The following RIMKLB variants were observed in gnomAD, a reference collection of about 807,000 sequenced individuals.
RIMKLB encodes the protein ribosomal modification protein rimK like family member B.
A neutral mutation model predicts 32.0 loss-of-function variants in RIMKLB; 7 were observed. The observed-to-expected ratio is 0.22, with a 90% CI of 0.12 to 0.41. The LOEUF (loss-of-function observed/expected upper bound fraction) is 0.41. Ranked by LOEUF, RIMKLB falls within the 10% of genes least tolerant of loss-of-function variation. The probability of loss-of-function intolerance (pLI) is 1.00; values close to 1 mark genes in which losing one functional copy is unlikely to be tolerated. For missense variants in RIMKLB, 289 were observed against 498.7 expected (o/e 0.58, Z 4.00); for synonymous variants, 172 against 185.1 (o/e 0.93, Z 0.57).
At chr12:8,685,720 C>CT (rs1272880262) in intron 1 of RIMKLB, among the ~76,000 whole-genome samples, 1 of 152,072 alleles carries the variant, frequency 6.6e-6, no homozygotes, top group East Asian at 1.9e-4. Flanking sequence ...TCTCGGCTCA[C>CT]TGCAACCTCC....
intron 1 of RIMKLB, among the ~76,000 whole-genome samples, chr12:8,710,614 C>G (rs973345866): frequency 2.0e-5 from 3 of 152,074 alleles, no homozygotes; most frequent in African/African-American, 7.2e-5. Context: ...CCTAGAAAAA[C>G]ATGTTGACTG....
chr12:8,683,991 A>AC (rs1265625047), intron 1 of RIMKLB, among the ~76,000 whole-genome samples: 1 of 151,008 alleles, frequency 6.6e-6, no homozygotes, highest in Non-Finnish European at 1.5e-5. Context: ...CAAGTGAACC[A>AC]CCCCCCTCGG....
At chr12:8,711,123 A>G (rs1944340793) in intron 1 of RIMKLB, among the ~76,000 whole-genome samples, 1 of 152,078 alleles carries the variant, frequency 6.6e-6, no homozygotes, top group Non-Finnish European at 1.5e-5. Flanking sequence ...AATCCCAGCT[A>G]CTCAGGAGGC....
chr12:8,698,856 T>C (rs73053878), intron 1 of RIMKLB, among the ~76,000 whole-genome samples: 34,441 of 152,064 alleles, frequency 0.23, 4,149 homozygotes, highest in Non-Finnish European at 0.27. Flanking sequence ...CCTTTGACAG[T>C]CTCTGAATGA....
At chr12:8,709,946 A>G (rs112879901) in intron 1 of RIMKLB, among the ~76,000 whole-genome samples, 1 of 152,100 alleles carries the variant, frequency 6.6e-6, no homozygotes, top group Non-Finnish European at 1.5e-5. Context: ...TGGAGGGACT[A>G]CTGTACCTGG....
chr12:8,782,041 G>T (rs763914936), downstream of RIMKLB, among the ~76,000 whole-genome samples: 22 of 151,096 alleles, frequency 1.5e-4, no homozygotes, highest in Non-Finnish European at 2.8e-4. Flanking sequence ...TTGAGACAGG[G>T]TCTCACTCTT....
At chr12:8,670,787 G>C in the RIMKLB span, among the ~76,000 whole-genome samples, 2 of 152,268 alleles carry the variant, frequency 1.3e-5, no homozygotes, top group South Asian at 4.1e-4. Flanking sequence ...CCCTGGCAGA[G>C]GTTCTGCATG....
the RIMKLB span, among the ~76,000 whole-genome samples, chr12:8,673,969 A>T: frequency 1.5e-4 from 23 of 152,098 alleles, no homozygotes; most frequent in Non-Finnish European, 4.4e-5. Flanking sequence ...CCTAAGGCAC[A>T]GTCTCAGAAG....
At chr12:8,737,380 G>T (rs112391030) in intron 2 of RIMKLB, among the ~76,000 whole-genome samples, 25 of 150,706 alleles carry the variant, frequency 1.7e-4, no homozygotes, top group Non-Finnish European at 3.5e-4. Context: ...ATGCATTTTT[G>T]GTAAGAATAT....
intron 2 of RIMKLB, among the ~76,000 whole-genome samples, chr12:8,720,581 C>T (rs896584030): frequency 6.6e-6 from 1 of 152,150 alleles, no homozygotes; most frequent in African/African-American, 2.4e-5. Flanking sequence ...TGGCTCTTGT[C>T]GCCCAGGCCG....
chr12:8,697,904 A>C (rs1433531409), upstream of RIMKLB: 1 of 147,288 alleles, frequency 6.8e-6, no homozygotes, highest in Non-Finnish European at 1.5e-5. Context: ...CTCCTCAGCA[A>C]GCGGGCGGGC....
upstream of RIMKLB, among the ~76,000 whole-genome samples, chr12:8,695,911 C>A (rs757190440): frequency 6.6e-6 from 1 of 152,098 alleles, no homozygotes; most frequent in East Asian, 1.9e-4. Context: ...CAGGCTGGTC[C>A]AAAACTCCCG....
intron 1 of RIMKLB, among the ~76,000 whole-genome samples, chr12:8,689,607 TCA>T (rs1363333972): frequency 6.6e-6 from 1 of 152,228 alleles, no homozygotes; most frequent in African/African-American, 2.4e-5. Flanking sequence ...TTCCTCTCTG[TCA>T]CGTTTCCCTG....
chr12:8,721,759 T>G (rs1945460740), intron 2 of RIMKLB, among the ~76,000 whole-genome samples: 1 of 152,178 alleles, frequency 6.6e-6, no homozygotes, highest in South Asian at 2.1e-4. Context: ...TTTGTTTTTT[T>G]TTGAGATGGA....
chr12:8,675,810 T>G, the RIMKLB span, among the ~76,000 whole-genome samples: 4 of 151,226 alleles, frequency 2.6e-5, no homozygotes, highest in African/African-American at 9.7e-5. Flanking sequence ...TTTTTTTTTT[T>G]AACGGAAGTG....
chr12:8,778,649 T>C (rs1950871336), downstream of RIMKLB, among the ~76,000 whole-genome samples: 1 of 152,220 alleles, frequency 6.6e-6, no homozygotes, highest in Admixed American at 6.5e-5. Context: ...CCTCCGTCTT[T>C]ACCCCAGTCT....
At chr12:8,711,322 C>T (rs766291713) in intron 1 of RIMKLB, among the ~76,000 whole-genome samples, 15 of 151,846 alleles carry the variant, frequency 9.9e-5, no homozygotes, top group Non-Finnish European at 1.8e-4. Context: ...TCACTTAGGC[C>T]GAGGAGTTTG....
chr12:8,699,572 G>A (rs1329646356), intron 1 of RIMKLB, among the ~76,000 whole-genome samples: 3 of 152,056 alleles, frequency 2.0e-5, no homozygotes, highest in South Asian at 4.2e-4. Flanking sequence ...CTTTTCCAAT[G>A]GTTACTGTTT....
chr12:8,761,272 CAAAAAA>C (rs35464055), intron 5 of RIMKLB, among the ~76,000 whole-genome samples: 3 of 55,884 alleles, frequency 5.4e-5, no homozygotes, highest in African/African-American at 1.4e-4. Flanking sequence ...GGGGAGATAG[CAAAAAA>C]AAAAAAAAAA....
Sources: gnomAD v4.1 joint callset for allele counts (sites outside exome capture counted in the v4.1 genomes callset) on GRCh38, gnomAD v4.1.1 for gene constraint, MANE v1.5 for transcripts, NCBI Gene and HGNC (gene_info 2026-07-23, HGNC 2026-07-21) for gene names.